TF: variants seen among roughly 807,000 people sequenced by gnomAD.
The protein encoded by TF is transferrin.
Under a neutral mutation model 82.4 loss-of-function variants are expected in TF, and 55 were observed. The ratio of observed to expected loss-of-function variants is 0.67; its 90% confidence interval spans 0.54 to 0.84. The LOEUF is 0.84. Among genes scored for constraint, TF ranks in the 40% least tolerant of loss-of-function variants. The pLI is 0.00. For missense variants in TF, 737 were observed against 868.4 expected (o/e 0.85, Z 1.90); for synonymous variants, 332 against 332.6 (o/e 1.00, Z 0.02).
At chr3:133,730,276 C>T in the TF span, among the ~76,000 whole-genome samples, 1 of 152,222 alleles carries the variant, frequency 6.6e-6, no homozygotes, top group East Asian at 1.9e-4. Context: ...GGACCTCACT[C>T]CTTCTGGAAA....
chr3:133,722,298 A>G, the TF span, among the ~76,000 whole-genome samples: 1 of 151,876 alleles, frequency 6.6e-6, no homozygotes, highest in South Asian at 2.1e-4. Flanking sequence ...CTTTCAGTCT[A>G]TGTTTGTCTT....
the TF span, chr3:133,699,398 G>T: frequency 1.0e-6 from 1 of 997,358 alleles, no homozygotes. Context: ...CCTAACTATG[G>T]CTCATGGCTC....
At chr3:133,755,727 C>T (rs1933807715) in intron 5 of TF, 2 of 594,018 alleles carry the variant, frequency 3.4e-6, no homozygotes, top group African/African-American at 3.7e-5. Context: ...CTTCCTTTCT[C>T]CCCAGAGCCC....
At chr3:133,776,068 T>C (rs1171036505) in intron 15 of TF, among the ~76,000 whole-genome samples, 1 of 152,222 alleles carries the variant, frequency 6.6e-6, no homozygotes, top group Non-Finnish European at 1.5e-5. Context: ...CTGATCCATG[T>C]ACTCTTGGGA....
At chr3:133,704,604 A>C in the TF span, among the ~76,000 whole-genome samples, 5 of 152,194 alleles carry the variant, frequency 3.3e-5, no homozygotes, top group African/African-American at 1.2e-4. Context: ...CCCTTACCTT[A>C]AAGTTGCCCA....
At chr3:133,726,047 G>A in the TF span, among the ~76,000 whole-genome samples, 1 of 152,178 alleles carries the variant, frequency 6.6e-6, no homozygotes, top group African/African-American at 2.4e-5. Context: ...CGTGCTGCTG[G>A]ATTCGGTTTG....
At position 133,792,418 on chromosome 3, in the gene TF, ATGCCACTATGACTCTTAACTCTACAACT is replaced by A. The variant is rs1934863441; in HGVS notation, c.*13803_*13830del. 2.6e-5 allele frequency: 4 copies of A among 152,236 alleles called. No homozygotes were observed. Among genetic ancestry groups the A allele is most frequent in the African/African-American group, 9.6e-5 (4 of 41,460 alleles). The allele number at this position is 152,236 out of a possible 1,614,324, so 9.4% of individuals were successfully genotyped here. On this transcript the variant is annotated 3_prime_UTR_variant, in exon 17 of 17. Transcript: ENST00000402696. ...TTAGACCTCCTAAATGCTTCATAAA[ATGCCACTATGACTCTTAACTCTACAACT>A]TGCCTGCTTTACAGCTCGGTAAGGC...
the TF span, among the ~76,000 whole-genome samples, chr3:133,673,037 A>C: frequency 6.6e-6 from 1 of 152,202 alleles, no homozygotes; most frequent in Non-Finnish European, 1.5e-5. Flanking sequence ...TGCATAATGG[A>C]GAATTATTGA....
chr3:133,726,548 TTTC>T, the TF span, among the ~76,000 whole-genome samples: 2 of 152,200 alleles, frequency 1.3e-5, no homozygotes, highest in Non-Finnish European at 2.9e-5. Flanking sequence ...TCTTCTCTCT[TTTC>T]TTCTTTATTA....
At position 133,759,183 on chromosome 3, in the gene TF, G is replaced by A; in HGVS notation, c.1057G>A (p.Ala353Thr). 1 of 1,614,098 alleles carries A rather than the reference G, an allele frequency of 6.2e-7. No individual in the cohort carries two copies. Among genetic ancestry groups the A allele is most frequent in the Non-Finnish European group, 8.5e-7 (1 of 1,180,004 alleles). Residue 353 changes from alanine (A) to threonine (T), a missense_variant, in exon 9 of 17, where the codon GCC becomes ACC. Coordinates refer to ENST00000402696, the MANE Select transcript of TF (RefSeq NM_001063.4). ...RNLREGTCPE[A>T]PTDECKPVKW... ...CTTTTTTTATGCCATAGGCCCAGAA[G>A]CCCCAACAGATGAATGCAAGCCTGT...
the TF span, among the ~76,000 whole-genome samples, chr3:133,717,371 A>G: frequency 1.3e-5 from 2 of 152,180 alleles, no homozygotes; most frequent in Non-Finnish European, 2.9e-5. Flanking sequence ...AGAATTCCAA[A>G]TAGACAACAC....
intron 14 of TF, among the ~76,000 whole-genome samples, chr3:133,771,422 G>C (rs970181493): frequency 6.6e-6 from 1 of 152,180 alleles, no homozygotes; most frequent in East Asian, 1.9e-4. Context: ...CCAATATATT[G>C]ATAACTGATT....
At chr3:133,768,502 C>T (rs567045647) in intron 13 of TF, among the ~76,000 whole-genome samples, 5 of 152,226 alleles carry the variant, frequency 3.3e-5, no homozygotes, top group Non-Finnish European at 5.9e-5. Flanking sequence ...GCATCTAACA[C>T]GTAGAAGCCA....
chr3:133,737,248 A>G, the TF span, among the ~76,000 whole-genome samples: 9 of 152,224 alleles, frequency 5.9e-5, no homozygotes, highest in African/African-American at 1.9e-4. Flanking sequence ...GCAGAAATAA[A>G]TAAGTTCTTT....
At chr3:133,770,872 G>A (rs1934242074) in intron 14 of TF, 2 of 471,042 alleles carry the variant, frequency 4.2e-6, no homozygotes, top group Non-Finnish European at 7.7e-6. Flanking sequence ...ACAATCTCTT[G>A]CATACCCACA....
chr3:133,679,763 C>G, the TF span, among the ~76,000 whole-genome samples: 2 of 152,078 alleles, frequency 1.3e-5, no homozygotes, highest in African/African-American at 4.8e-5. Context: ...ATGAATAAAG[C>G]TGCATGAACA....
rs1013735788 is a variant in TF, at chr3:133,792,148, C to T, written c.*13528C>T. On this transcript the variant is annotated 3_prime_UTR_variant, in exon 17 of 17. Transcript: ENST00000402696. ...TTGGAGCATTAGATTCTAGATAAGG[C>T]CTGGGGACAAATAGAATTAGCCATG... 6.6e-6 allele frequency: 1 copy of T among 152,010 alleles called. No individual in the cohort carries two copies. Among genetic ancestry groups the T allele is most frequent in the African/African-American group, 2.4e-5 (1 of 41,384 alleles). 9.4% of individuals were successfully genotyped at this position (152,010 alleles called of 1,614,324 possible). A position where few individuals can be genotyped will look rare whatever the true frequency, so the allele number is the denominator to read the frequency against.
chr3:133,669,203 T>C, the TF span, among the ~76,000 whole-genome samples: 1 of 152,096 alleles, frequency 6.6e-6, no homozygotes, highest in Admixed American at 6.5e-5. Context: ...GGTTTCACTA[T>C]ATTGGCCAGG....
the TF span, among the ~76,000 whole-genome samples, chr3:133,729,222 A>T: frequency 6.6e-6 from 1 of 152,202 alleles, no homozygotes; most frequent in Admixed American, 6.5e-5. Context: ...TGCAGAGGTT[A>T]CTGCTGTCTT....
Sources: gnomAD v4.1 joint callset for allele counts (sites outside exome capture counted in the v4.1 genomes callset) on GRCh38, gnomAD v4.1.1 for gene constraint, MANE v1.5 for transcripts, NCBI Gene and HGNC (gene_info 2026-07-23, HGNC 2026-07-21) for gene names.